SCN11A: variants seen among roughly 807,000 people sequenced by gnomAD.
The protein encoded by SCN11A is sodium voltage-gated channel alpha subunit 11.
Under a neutral mutation model 162.2 loss-of-function variants are expected in SCN11A, and 122 were observed. The ratio of observed to expected loss-of-function variants is 0.75; its 90% CI spans 0.65 to 0.87. The LOEUF (loss-of-function observed/expected upper bound fraction) is 0.87. Among genes scored for constraint, SCN11A ranks in the 40% least tolerant of loss-of-function variants. The pLI is 0.00. For missense variants in SCN11A, 2,015 were observed against 2,181.6 expected (o/e 0.92, Z 1.52); for synonymous variants, 758 against 751.5 (o/e 1.01, Z -0.14).
intron 1 of SCN11A, among the ~76,000 whole-genome samples, chr3:39,047,003 G>A (rs1380152882): frequency 6.7e-6 from 1 of 148,440 alleles, no homozygotes; most frequent in Non-Finnish European, 1.5e-5. Context: ...TTATAGGTGT[G>A]AGCCATTGCA....
intron 7 of SCN11A, among the ~76,000 whole-genome samples, chr3:38,935,553 C>T (rs1187639104): frequency 1.3e-4 from 20 of 152,042 alleles, no homozygotes; most frequent in African/African-American, 4.3e-4. Context: ...ATATCACCAC[C>T]GATCCCACAG....
intron 14 of SCN11A, 55 bp downstream of exon 14, chr3:38,907,894 G>T: frequency 2.8e-6 from 4 of 1,427,242 alleles, no homozygotes; most frequent in South Asian, 2.7e-5. Context: ...TTGGCAATTG[G>T]ACCTGTCCCC....
intron 1 of SCN11A, among the ~76,000 whole-genome samples, chr3:39,039,289 C>A (rs1000814499): frequency 9.2e-5 from 14 of 152,214 alleles, no homozygotes; most frequent in Non-Finnish European, 1.8e-4. Context: ...TTAAGTGGGT[C>A]ATTAGGTATA....
chr3:39,012,909 A>G (rs750811435), intron 2 of SCN11A, among the ~76,000 whole-genome samples: 6 of 152,238 alleles, frequency 3.9e-5, no homozygotes, highest in African/African-American at 9.6e-5. Flanking sequence ...AAAGGTAGCA[A>G]TGCTTACGTA....
In SCN11A at chr3:38,925,586, A is replaced by C. The variant is rs1280194699; in HGVS notation, c.618-77T>G. On this transcript the variant is annotated intron_variant, in intron 8 of 29. Coordinates refer to ENST00000302328, the MANE Select transcript of SCN11A (RefSeq NM_001349253.2). ...ACTGCACATCTCCACAAAAGCCACA[A>C]GTAAGCTCAGCCTGAGGCCTGTGAC... 9.9e-6 allele frequency: 10 copies of C among 1,011,182 alleles called. No homozygotes were observed. The East Asian group carries it at 2.5e-4, about 25-fold the overall frequency. 62.6% of individuals were successfully genotyped at this position (1,011,182 alleles called of 1,614,324 possible). A position where few individuals can be genotyped will look rare whatever the true frequency, so the allele number is the denominator to read the frequency against.
chr3:39,041,688 A>G (rs1216325657), intron 1 of SCN11A, among the ~76,000 whole-genome samples: 1 of 152,216 alleles, frequency 6.6e-6, no homozygotes, highest in Non-Finnish European at 1.5e-5. Flanking sequence ...CATCCTTACA[A>G]GAAATACTTA....
At chr3:38,854,492 A>G (rs183975488) in intron 28 of SCN11A, among the ~76,000 whole-genome samples, 5 of 152,366 alleles carry the variant, frequency 3.3e-5, no homozygotes, top group Admixed American at 3.3e-4. Context: ...AGGCAGGGCT[A>G]ACGTGCATCT....
Position 38,897,092 on chromosome 3 carries a change from C to T in SCN11A, c.2156G>A (p.Gly719Asp). Reference protein sequence around the residue: ...VIVIFIFSVVGMQLFGRSFNS... With the variant: ...VIVIFIFSVVDMQLFGRSFNS... ...GAAGCTACGGCCAAAAAGCTGCATG[C>T]CAACTACTGAGAAAATAAAGATCAC... The change falls in exon 18 of 30, where the codon GGC becomes GAC. Residue 719 changes from glycine (G) to aspartate (D), a missense_variant. Physicochemically the swap from Gly to Asp is moderately conservative, Grantham distance 94. Coordinates refer to ENST00000302328, the MANE Select transcript of SCN11A (RefSeq NM_001349253.2). 1 of 1,614,046 alleles carries T rather than the reference C, an allele frequency of 6.2e-7. No individual in the cohort carries two copies. Among genetic ancestry groups the T allele is most frequent in the Non-Finnish European group, 8.5e-7 (1 of 1,180,004 alleles).
At chr3:38,954,273 ACT>A (rs1288301081) in intron 3 of SCN11A, among the ~76,000 whole-genome samples, 2 of 152,134 alleles carry the variant, frequency 1.3e-5, no homozygotes, top group African/African-American at 4.8e-5. Context: ...ATATAATGAG[ACT>A]CTGCTGCATT....
chr3:38,866,297 C>A (rs937426368), intron 27 of SCN11A, among the ~76,000 whole-genome samples: 1 of 151,880 alleles, frequency 6.6e-6, no homozygotes, highest in Admixed American at 6.6e-5. Context: ...CGGCTTACTG[C>A]AACCTCTGCC....
intron 2 of SCN11A, among the ~76,000 whole-genome samples, chr3:38,973,539 A>G (rs960571498): frequency 6.6e-6 from 1 of 152,226 alleles, no homozygotes; most frequent in Admixed American, 6.5e-5. Context: ...TGACAGTTCT[A>G]TCAGTATGGA....
At chr3:38,954,271 A>G (rs1575333071) in intron 3 of SCN11A, among the ~76,000 whole-genome samples, 1 of 152,322 alleles carries the variant, frequency 6.6e-6, no homozygotes, top group African/African-American at 2.4e-5. Context: ...GCATATAATG[A>G]GACTCTGCTG....
chr3:38,908,946 A>G, intron 13 of SCN11A, 51 bp downstream of exon 13: 128 of 1,425,530 alleles, frequency 9.0e-5, no homozygotes, highest in Middle Eastern at 2.4e-4. Flanking sequence ...GCCTCTGGGG[A>G]CCCCTTCCCC....
At chr3:39,012,666 G>C (rs1230506412) in intron 2 of SCN11A, among the ~76,000 whole-genome samples, 1 of 151,942 alleles carries the variant, frequency 6.6e-6, no homozygotes. Context: ...TTAGAGACAG[G>C]GTTTCACCAT....
intron 2 of SCN11A, among the ~76,000 whole-genome samples, chr3:38,989,431 G>C (rs1272158281): frequency 6.6e-6 from 1 of 152,200 alleles, no homozygotes; most frequent in East Asian, 1.9e-4. Context: ...GAGCTGTTAT[G>C]CAACAGTAGT....
intron 2 of SCN11A, among the ~76,000 whole-genome samples, chr3:38,993,867 A>G (rs1256531479): frequency 1.3e-5 from 2 of 152,136 alleles, no homozygotes; most frequent in Admixed American, 1.3e-4. Context: ...GGGGGCTGCA[A>G]TTAACACCAC....
At position 38,846,841 on chromosome 3, in the gene SCN11A, G is replaced by C. The variant is rs763503543; in HGVS notation, c.5229C>G (p.Ala1743=). The C allele has an allele frequency of 4.3e-6, 7 of 1,613,900 alleles. No individual in the cohort carries two copies. In the Admixed American group the frequency reaches 1.2e-4, roughly 27 times the overall value. Residue 1743 remains alanine (A), a synonymous_variant, in exon 30 of 30, where the codon GCC becomes GCG. Transcript: ENST00000302328. ...TCACCTTCATCATGTACTTTCGAAA[G>C]GCCTTTTGAATAATAGCAGCACCTC... ...EERGAAIIQK[A]FRKYMMKVTK...
At chr3:39,001,232 A>C (rs2030802362) in intron 2 of SCN11A, among the ~76,000 whole-genome samples, 1 of 151,940 alleles carries the variant, frequency 6.6e-6, no homozygotes, top group South Asian at 2.1e-4. Flanking sequence ...ATTCCAGAAC[A>C]TTTTCATCAC....
intron 2 of SCN11A, among the ~76,000 whole-genome samples, chr3:39,017,736 C>G (rs951395778): frequency 6.6e-6 from 1 of 151,848 alleles, no homozygotes; most frequent in Non-Finnish European, 1.5e-5. Flanking sequence ...TCTTTTATAT[C>G]TCTACTCAAC....
Sources: allele counts gnomAD v4.1 joint callset (sites outside exome capture counted in the v4.1 genomes callset), GRCh38; gene constraint gnomAD v4.1.1; transcripts MANE v1.5; gene names NCBI Gene and HGNC (gene_info 2026-07-23, HGNC 2026-07-21).